The following PHF24 variants were observed in gnomAD, a reference collection of about 807,000 sequenced individuals.
The protein encoded by PHF24 is PHD finger protein 24, also known as Galpha inhibitory interacting protein.
PHF24 carries 25 observed loss-of-function variants against 42.6 expected under a neutral mutation model. The ratio of observed to expected loss-of-function variants is 0.59; its 90% CI spans 0.43 to 0.82. The LOEUF is 0.82. PHF24 is among the 40% of genes least tolerant of loss of function. PHF24 has a pLI of 0.00. For missense variants in PHF24, 470 were observed against 538.1 expected (o/e 0.87, Z 1.25); for synonymous variants, 185 against 204.8 (o/e 0.90, Z 0.83).
chr9:34,679,075 A>G, the PHF24 span, among the ~76,000 whole-genome samples: 1 of 152,192 alleles, frequency 6.6e-6, no homozygotes, highest in Non-Finnish European at 1.5e-5. Context: ...AGTCCAACCA[A>G]TCTGGATGTA....
chr9:34,740,622 C>T, the PHF24 span, among the ~76,000 whole-genome samples: 1,831 of 152,320 alleles, frequency 0.012, 41 homozygotes, highest in African/African-American at 0.042. Flanking sequence ...CCTCTCCCTC[C>T]ACACCTCCCT....
chr9:34,710,168 A>G, the PHF24 span: 2 of 864,488 alleles, frequency 2.3e-6, no homozygotes, highest in Admixed American at 2.3e-5. Context: ...CTATTTATGT[A>G]GCTAGACACT....
the PHF24 span, among the ~76,000 whole-genome samples, chr9:34,853,655 C>T: frequency 7.2e-5 from 11 of 151,734 alleles, no homozygotes; most frequent in Admixed American, 3.3e-4. Context: ...GGTGAAACCC[C>T]GTCTCTACTA....
At chr9:34,796,670 G>A in the PHF24 span, among the ~76,000 whole-genome samples, 1 of 152,212 alleles carries the variant, frequency 6.6e-6, no homozygotes, top group Non-Finnish European at 1.5e-5. Flanking sequence ...TCAAGTACTA[G>A]CAAGAAAGCA....
chr9:34,922,971 C>G, the PHF24 span: 5 of 1,153,000 alleles, frequency 4.3e-6, no homozygotes, highest in Admixed American at 1.2e-4. Flanking sequence ...TGGCCTCGCC[C>G]CAGTCTACCT....
At chr9:34,848,548 C>A in the PHF24 span, among the ~76,000 whole-genome samples, 1 of 152,120 alleles carries the variant, frequency 6.6e-6, no homozygotes, top group East Asian at 1.9e-4. Context: ...GTTCAAAAAA[C>A]CACCTCCTGG....
chr9:34,831,675 C>T, the PHF24 span, among the ~76,000 whole-genome samples: 2 of 152,164 alleles, frequency 1.3e-5, no homozygotes, highest in African/African-American at 4.8e-5. Context: ...ACTTTTGTCA[C>T]AGGTACTCTG....
the PHF24 span, among the ~76,000 whole-genome samples, chr9:34,812,214 C>CA: frequency 6.6e-6 from 1 of 151,868 alleles, no homozygotes; most frequent in Non-Finnish European, 1.5e-5. Flanking sequence ...CCAATTAAAA[C>CA]AGACAAAACA....
chr9:34,823,952 C>G, the PHF24 span, among the ~76,000 whole-genome samples: 2 of 152,202 alleles, frequency 1.3e-5, no homozygotes, highest in African/African-American at 4.8e-5. Flanking sequence ...GGCCCACTAC[C>G]TCTCTAGGAC....
chr9:34,929,466 C>T, the PHF24 span, among the ~76,000 whole-genome samples: 1 of 152,222 alleles, frequency 6.6e-6, no homozygotes, highest in Non-Finnish European at 1.5e-5. Context: ...TTTACTGCTA[C>T]ATCTCCAGCA....
the PHF24 span, among the ~76,000 whole-genome samples, chr9:34,880,652 G>A: frequency 2.1e-3 from 315 of 152,288 alleles, 1 homozygote; most frequent in African/African-American, 7.1e-3. Flanking sequence ...AACAAGAAGA[G>A]CTAACTATTG....
the PHF24 span, among the ~76,000 whole-genome samples, chr9:34,779,648 C>T: frequency 6.6e-6 from 1 of 152,196 alleles, no homozygotes; most frequent in South Asian, 2.1e-4. Context: ...TATTGTTTTA[C>T]TGGCATAGTA....
chr9:34,814,601 CATG>C, the PHF24 span, among the ~76,000 whole-genome samples: 1 of 152,080 alleles, frequency 6.6e-6, no homozygotes, highest in Non-Finnish European at 1.5e-5. Context: ...CAAAAAAAAA[CATG>C]ATGAGGCTTT....
intron 1 of PHF24, among the ~76,000 whole-genome samples, chr9:34,959,206 G>A (rs1004930011): frequency 8.5e-5 from 13 of 152,202 alleles, no homozygotes; most frequent in East Asian, 1.9e-4. Flanking sequence ...TTGACCGTGC[G>A]GAAGGAAGCA....
At chr9:34,936,151 C>G in the PHF24 span, among the ~76,000 whole-genome samples, 1 of 152,076 alleles carries the variant, frequency 6.6e-6, no homozygotes, top group Non-Finnish European at 1.5e-5. Context: ...GCCATCTCGG[C>G]TCACTGCAAC....
the PHF24 span, chr9:34,726,627 C>G: frequency 2.4e-5 from 37 of 1,551,560 alleles, no homozygotes; most frequent in Non-Finnish European, 3.1e-5. Context: ...AATTCCTGCC[C>G]TAGCTGGAGG....
the PHF24 span, among the ~76,000 whole-genome samples, chr9:34,788,066 C>T: frequency 6.6e-6 from 1 of 152,106 alleles, no homozygotes; most frequent in Admixed American, 6.5e-5. Flanking sequence ...GAGACAGGGT[C>T]TCCCTCTGTT....
chr9:34,891,366 C>T, the PHF24 span, among the ~76,000 whole-genome samples: 2 of 152,174 alleles, frequency 1.3e-5, no homozygotes, highest in East Asian at 3.8e-4. Context: ...GGGACAATGC[C>T]CTAGCAGATC....
chr9:34,903,134 A>G, the PHF24 span, among the ~76,000 whole-genome samples: 1 of 152,216 alleles, frequency 6.6e-6, no homozygotes, highest in Non-Finnish European at 1.5e-5. Flanking sequence ...CCATCACAGC[A>G]ACTTAGAGAT....
Sources: allele counts gnomAD v4.1 joint callset (sites outside exome capture counted in the v4.1 genomes callset), GRCh38; gene constraint gnomAD v4.1.1; transcripts MANE v1.5; gene names NCBI Gene and HGNC (gene_info 2026-07-23, HGNC 2026-07-21).